Variants in TBC1D7 observed in about 807,000 individuals in gnomAD.
TBC1D7 encodes the protein TBC1 domain family member 7, also known as TBC domain family 7.
A neutral mutation model predicts 35.3 loss-of-function variants in TBC1D7; 33 were observed. The observed-to-expected ratio is 0.93, with a 90% CI of 0.71 to 1.25. The LOEUF (loss-of-function observed/expected upper bound fraction) is 1.25. Ranked by LOEUF, TBC1D7 falls within the 50% of genes most tolerant of loss-of-function variation. The pLI, the probability that TBC1D7 is intolerant of heterozygous loss-of-function variation, is 0.00. For missense variants in TBC1D7, 362 were observed against 365.3 expected, an observed-to-expected ratio of 0.99 and a Z score of 0.07; for synonymous variants, 135 against 129.5, an observed-to-expected ratio of 1.04 and a Z score of -0.29.
chr6:13,316,526 C>A, intron 5 of TBC1D7, 45 bp downstream of exon 5: 1 of 1,590,680 alleles, frequency 6.3e-7, no homozygotes, highest in Non-Finnish European at 8.5e-7. Context: ...ACCCCCACTA[C>A]CATTGTTCAC....
At chr6:13,326,469 A>T (rs1268391545) in intron 2 of TBC1D7, among the ~76,000 whole-genome samples, 1 of 152,098 alleles carries the variant, frequency 6.6e-6, no homozygotes, top group Non-Finnish European at 1.5e-5. Flanking sequence ...TCTCAAAAAA[A>T]AAAAAAAAGA....
At chr6:13,326,706 G>A (rs1784428066) in intron 2 of TBC1D7, 81 bp downstream of exon 2, 1 of 806,276 alleles carries the variant, frequency 1.2e-6, no homozygotes, top group Admixed American at 2.9e-5. Context: ...CAATGCTTCT[G>A]GATGTCTTTT....
At chr6:13,315,696 G>A (rs182278620) in intron 5 of TBC1D7, among the ~76,000 whole-genome samples, 3 of 152,308 alleles carry the variant, frequency 2.0e-5, no homozygotes, top group East Asian at 1.9e-4. Flanking sequence ...CAGGCTGGGC[G>A]ACAGCATGAG....
intron 5 of TBC1D7, among the ~76,000 whole-genome samples, chr6:13,314,671 G>A (rs1783474850): frequency 6.6e-6 from 1 of 152,068 alleles, no homozygotes; most frequent in Non-Finnish European, 1.5e-5. Context: ...TATAAAAACT[G>A]CTCTTGTAAG....
chr6:13,310,336 T>G (rs186014531), intron 5 of TBC1D7, among the ~76,000 whole-genome samples: 178 of 152,330 alleles, frequency 1.2e-3, no homozygotes, highest in African/African-American at 4.1e-3. Flanking sequence ...ATGAATATAT[T>G]AACCTGAGAA....
intron 6 of TBC1D7, chr6:13,307,320 C>T (rs911753478): frequency 1.1e-5 from 3 of 279,862 alleles, no homozygotes; most frequent in African/African-American, 6.6e-5. Flanking sequence ...AGATTTGTCA[C>T]ATTTCTGGAA....
chr6:13,319,663 A>G (rs1264124368), intron 4 of TBC1D7: 1 of 152,184 alleles, frequency 6.6e-6, no homozygotes, highest in African/African-American at 2.4e-5. Context: ...TTACGGTTGT[A>G]TGAGATGTAA....
At chr6:13,309,525 T>G (rs988813003) in intron 5 of TBC1D7, among the ~76,000 whole-genome samples, 2 of 152,236 alleles carry the variant, frequency 1.3e-5, no homozygotes, top group African/African-American at 4.8e-5. Context: ...AATCGCTCAA[T>G]ATACATCTTT....
chr6:13,313,711 C>T (rs1271189070), intron 5 of TBC1D7, among the ~76,000 whole-genome samples: 1 of 152,150 alleles, frequency 6.6e-6, no homozygotes, highest in East Asian at 1.9e-4. Flanking sequence ...CCCTTAACTA[C>T]ACTTCAGAAT....
intron 2 of TBC1D7, 118 bp from the exon 3 acceptor site, chr6:13,325,292 C>T (rs1784330986): frequency 2.9e-6 from 2 of 683,156 alleles, no homozygotes; most frequent in African/African-American, 3.6e-5. Flanking sequence ...GGGAAGTCTA[C>T]CATATGGTCA....
At chr6:13,315,237 G>A (rs1255012730) in intron 5 of TBC1D7, among the ~76,000 whole-genome samples, 1 of 152,116 alleles carries the variant, frequency 6.6e-6, no homozygotes, top group African/African-American at 2.4e-5. Flanking sequence ...GAGACAGCAA[G>A]ACCATCCTTC....
At chr6:13,311,965 TTATATATATATA>T in intron 5 of TBC1D7, among the ~76,000 whole-genome samples, 1 of 150,810 alleles carries the variant, frequency 6.6e-6, no homozygotes, top group South Asian at 2.1e-4. Flanking sequence ...AAAAATGTAT[TTATATATATATA>T]CACACACACA....
chr6:13,306,347 T>C, intron 7 of TBC1D7, 51 bp downstream of exon 7: 1 of 1,540,278 alleles, frequency 6.5e-7, no homozygotes, highest in South Asian at 1.3e-5. Flanking sequence ...AAATCTGACT[T>C]GCTAAGGTAA....
rs1554196307 is a variant in TBC1D7, at chr6:13,328,520, T to TGCCGCTGCCGCTGCCGCCGCCGCC, written c.-234_-233insGGCGGCGGCGGCAGCGGCAGCGGC. On this transcript the variant is annotated 5_prime_UTR_variant, in exon 1 of 8. Coordinates refer to ENST00000379300, the MANE Select transcript of TBC1D7 (RefSeq NM_016495.6). The stretch of plus-strand genomic sequence containing the variant: ...AACTCAGCGCCGCTGCCGCTGCCGC[T>TGCCGCTGCCGCTGCCGCCGCCGCC]GCCGCCGCCGCCGGACGTGACATCA... The TGCCGCTGCCGCTGCCGCCGCCGCC allele has an allele frequency of 6.3e-6, 1 of 157,886 alleles. No individual in the cohort carries two copies. The highest frequency in any genetic ancestry group is 1.4e-5 in the Non-Finnish European group (1 of 71,148). The allele number at this position is 157,886 out of a possible 1,614,324, so 9.8% of individuals were successfully genotyped here. A position where few individuals can be genotyped will look rare whatever the true frequency, so the allele number is the denominator to read the frequency against.
intron 4 of TBC1D7, 79 bp from the exon 5 acceptor site, chr6:13,316,787 T>C: frequency 1.3e-6 from 2 of 1,536,170 alleles, no homozygotes; most frequent in Non-Finnish European, 1.8e-6. Flanking sequence ...AAATGAAACC[T>C]TGCTCCCTAA....
At position 13,307,647 on chromosome 6, in the gene TBC1D7, C is replaced by A. The variant is rs1213493939; in HGVS notation, c.618G>T (p.Trp206Cys). The part of the protein sequence containing the change: ...SAAPKLPYDL[W>C]FKRCFAGCLP... ...AACATCCCGCAAAGCACCTCTTGAA[C>A]CAGAGATCATAAGGAAGTTTGGGCG... Residue 206 changes from tryptophan (W) to cysteine (C), a missense_variant, in exon 6 of 8, where the codon TGG becomes TGT. Coordinates refer to ENST00000379300, the MANE Select transcript of TBC1D7 (RefSeq NM_016495.6). The A allele has an allele frequency of 6.2e-7, 1 of 1,614,136 alleles. No individual in the cohort carries two copies. Among genetic ancestry groups the A allele is most frequent in the East Asian group, 2.2e-5 (1 of 44,886 alleles).
chr6:13,313,371 T>C (rs945586527), intron 5 of TBC1D7, among the ~76,000 whole-genome samples: 14 of 152,226 alleles, frequency 9.2e-5, no homozygotes, highest in African/African-American at 3.4e-4. Flanking sequence ...ATTGATACTA[T>C]CAAGTATTGG....
intron 2 of TBC1D7, 99 bp downstream of exon 2, chr6:13,326,688 C>A: frequency 1.5e-6 from 1 of 658,864 alleles, no homozygotes; most frequent in South Asian, 2.5e-5. Context: ...AAAAATACAG[C>A]AAGTAACCAA....
intron 4 of TBC1D7, among the ~76,000 whole-genome samples, chr6:13,317,579 A>G (rs1203799247): frequency 1.3e-5 from 2 of 152,240 alleles, no homozygotes; most frequent in Non-Finnish European, 2.9e-5. Flanking sequence ...CAAGAAAAAC[A>G]TAATTTAAAT....
Sources: allele counts gnomAD v4.1 joint callset (sites outside exome capture counted in the v4.1 genomes callset), GRCh38; gene constraint gnomAD v4.1.1; transcripts MANE v1.5; gene names NCBI Gene and HGNC (gene_info 2026-07-23, HGNC 2026-07-21).